Variants in RGS3 observed in about 807,000 individuals in gnomAD.
RGS3 encodes the protein regulator of G-protein signalling 3.
In RGS3, 80 loss-of-function variants were observed where a neutral mutation model predicts 132.6. That is an observed-to-expected ratio of 0.60 (90% confidence interval 0.50 to 0.73). The LOEUF (loss-of-function observed/expected upper bound fraction) is 0.73, where lower values mean the gene tolerates loss of function less well. Ranked by LOEUF, RGS3 falls within the 30% of genes least tolerant of loss-of-function variation. RGS3 has a pLI of 0.00. For missense variants in RGS3, 1,382 were observed against 1,530.8 expected (o/e 0.90, Z 1.62); for synonymous variants, 598 against 620.6 (o/e 0.96, Z 0.54).
At chr9:113,544,960 G>A (rs1015241574) in intron 19 of RGS3, among the ~76,000 whole-genome samples, 15 of 152,226 alleles carry the variant, frequency 9.9e-5, no homozygotes, top group African/African-American at 3.1e-4. Flanking sequence ...AAAATGAGAT[G>A]CCTTATTTTC....
chr9:113,516,246 C>G (rs1421555201), intron 15 of RGS3, among the ~76,000 whole-genome samples: 2 of 152,234 alleles, frequency 1.3e-5, no homozygotes, highest in East Asian at 3.8e-4. Context: ...ACACGCCTCC[C>G]CTTAGACAGC....
rs1014770103 is a variant in RGS3, at chr9:113,463,172, C to T, written c.415+971C>T. Among the ~76,000 whole-genome samples the T allele has an allele frequency of 1.3e-5, 2 of 152,178 alleles. No individual in the cohort carries two copies. The highest frequency in any genetic ancestry group is 4.8e-5 in the African/African-American group (2 of 41,444). On this transcript the variant is annotated intron_variant, in intron 3 of 24. Coordinates refer to ENST00000350696, the Ensembl canonical transcript of RGS3. The surrounding 1 kb of genome is among the most constrained non-coding windows in gnomAD (Gnocchi z 4.6). ...TTGGTTGGAGCAAGCTGCTCCCATC[C>T]GGACCTGTGTCAGGCAGCACTTGTT...
Position 113,539,551 on chromosome 9 carries a change from G to T in RGS3, c.2037+2633G>T, listed in dbSNP as rs1258245605. Reference sequence around the variant, plus strand: ...TCTCGAACTCCTGACCTCAAGAGTAGCACACCTTTGAATGCCTTTTCTGTG... The same window carrying T: ...TCTCGAACTCCTGACCTCAAGAGTATCACACCTTTGAATGCCTTTTCTGTG... On this transcript the variant is annotated intron_variant, in intron 19 of 24. Transcript: ENST00000350696. Among the ~76,000 whole-genome samples, 5 of 152,266 alleles carry T rather than the reference G, an allele frequency of 3.3e-5. No individual in the cohort carries two copies. In the East Asian group the frequency reaches 5.8e-4, roughly 18 times the overall value.
intron 14 of RGS3, among the ~76,000 whole-genome samples, chr9:113,510,781 G>A (rs188722812): frequency 6.6e-6 from 1 of 152,286 alleles, no homozygotes; most frequent in East Asian, 1.9e-4. Context: ...CTCTTTGAAT[G>A]CATTGTATTA....
At chr9:113,466,893 C>T (rs973064361) in intron 3 of RGS3, among the ~76,000 whole-genome samples, 37 of 152,128 alleles carry the variant, frequency 2.4e-4, no homozygotes, top group African/African-American at 7.0e-4. Flanking sequence ...TCCCTTGTCC[C>T]GAGCCCAAAG....
intron 3 of RGS3, among the ~76,000 whole-genome samples, chr9:113,469,041 CAT>C (rs1829739322): frequency 1.5e-5 from 2 of 136,226 alleles, no homozygotes; most frequent in Non-Finnish European, 1.5e-5. Flanking sequence ...ATTTGCTCAG[CAT>C]TTTTTTTTTT....
intron 8 of RGS3, 97 bp downstream of exon 6, chr9:113,495,943 T>G (rs1830669217): frequency 9.5e-7 from 1 of 1,056,720 alleles, no homozygotes; most frequent in South Asian, 1.3e-5. Context: ...GGCTTCTCTC[T>G]GTGAGATGGT....
At chr9:113,472,122 G>A (rs1004593772) in intron 3 of RGS3, among the ~76,000 whole-genome samples, 6 of 152,166 alleles carry the variant, frequency 3.9e-5, no homozygotes, top group Admixed American at 2.0e-4. Context: ...AATAACAGGC[G>A]TTGAAGAAGT....
chr9:113,446,266 T>C (rs1829098322), intron 1 of RGS3, among the ~76,000 whole-genome samples: 1 of 152,204 alleles, frequency 6.6e-6, no homozygotes, highest in African/African-American at 2.4e-5. Flanking sequence ...ATATATGCAT[T>C]TATTTAACAG....
intron 1 of RGS3, among the ~76,000 whole-genome samples, chr9:113,450,161 CG>C (rs1829208469): frequency 6.6e-6 from 1 of 152,132 alleles, no homozygotes; most frequent in Non-Finnish European, 1.5e-5. Flanking sequence ...CCTCGCCTCC[CG>C]GGTTCAAGTG....
chr9:113,536,252 C>T (rs1305961758), intron 18 of RGS3, among the ~76,000 whole-genome samples: 1 of 152,194 alleles, frequency 6.6e-6, no homozygotes, highest in East Asian at 1.9e-4. Flanking sequence ...CCACATGACT[C>T]TGCCCGTCAA....
intron 19 of RGS3, among the ~76,000 whole-genome samples, chr9:113,553,213 G>A (rs1041256688): frequency 1.1e-4 from 17 of 151,280 alleles, no homozygotes; most frequent in African/African-American, 4.1e-4. Flanking sequence ...AGGCTGAGGT[G>A]GGATGATCAC....
intron 21 of RGS3, chr9:113,592,255 A>G (rs1478303433): frequency 6.6e-6 from 1 of 152,254 alleles, no homozygotes; most frequent in Non-Finnish European, 1.5e-5. Context: ...AGCCAATTGC[A>G]TTTTCTTAGC....
intron 19 of RGS3, 26 bp from the exon 18 acceptor site, chr9:113,583,424 G>C: frequency 6.2e-7 from 1 of 1,612,746 alleles, no homozygotes; most frequent in Non-Finnish European, 8.5e-7. Flanking sequence ...CTTCTGAACT[G>C]TTCTTGTTTT....
Position 113,446,656 on chromosome 9 carries a change from T to C in RGS3, c.-13+1729T>C, listed in dbSNP as rs142908512. On this transcript the variant is annotated intron_variant, in intron 1 of 25. Coordinates refer to the RGS3 transcript ENST00000374140. Reference sequence around the variant, plus strand: ...CCTCGAGAGAAGGGTCTGTGCCTATTGTTTTCATGGTTACAACCTCAGGTG... The same window carrying C: ...CCTCGAGAGAAGGGTCTGTGCCTATCGTTTTCATGGTTACAACCTCAGGTG... 2.0e-5 allele frequency among the ~76,000 whole-genome samples: 3 copies of C among 152,322 alleles called. No individual in the cohort carries two copies. In the East Asian group the frequency reaches 5.8e-4, roughly 29 times the overall value.
chr9:113,553,792 G>A (rs578225994), intron 19 of RGS3, among the ~76,000 whole-genome samples: 32 of 152,042 alleles, frequency 2.1e-4, no homozygotes, highest in African/African-American at 7.5e-4. Context: ...GCAATGAGCC[G>A]AGATTGTGCC....
chr9:113,480,856 C>A (rs540041315), intron 4 of RGS3, among the ~76,000 whole-genome samples: 24 of 152,348 alleles, frequency 1.6e-4, no homozygotes, highest in African/African-American at 5.8e-4. Flanking sequence ...ACATGAGTTG[C>A]TGTCATGGCC....
chr9:113,463,854 G>C lies in RGS3; in HGVS notation c.415+1653G>C, dbSNP rs774668078. 5.6e-6 allele frequency: 9 copies of C among 1,613,228 alleles called. No homozygotes were observed. In the South Asian group the frequency reaches 8.8e-5, roughly 16 times the overall value. On this transcript the variant is annotated intron_variant, in intron 3 of 24. Transcript: ENST00000350696. This position sits in a 1 kb window ranked among gnomAD's most constrained non-coding sequence, Gnocchi z 4.6. ...CCTCGGGAGCCGGCGTGCCCACCCG[G>C]ACTTGTCCTTCTACCTCACCACCTT...
At chr9:113,501,762 A>C in intron 10 of RGS3, 1 of 975,746 alleles carries the variant, frequency 1.0e-6, no homozygotes, top group South Asian at 1.4e-5. Flanking sequence ...TCACTTGGAT[A>C]TGGGGAGGAG....
Sources: gnomAD v4.1 joint callset for allele counts (sites outside exome capture counted in the v4.1 genomes callset) on GRCh38, gnomAD v4.1.1 for gene constraint, Gnocchi (gnomAD v3.1) non-coding constraint, MANE v1.5 for transcripts, NCBI Gene and HGNC (gene_info 2026-07-23, HGNC 2026-07-21) for gene names.